The following STXBP5L variants were observed in gnomAD, a reference collection of about 807,000 sequenced individuals.
STXBP5L encodes syntaxin binding protein 5L.
STXBP5L carries 65 observed loss-of-function variants against 144.5 expected under a neutral mutation model. The observed-to-expected ratio is 0.45, with a 90% confidence interval of 0.37 to 0.55. STXBP5L has a LOEUF of 0.55. STXBP5L is among the 20% of genes least tolerant of loss of function. STXBP5L has a pLI of 0.00. For missense variants in STXBP5L, 1,298 were observed against 1,405.5 expected, an observed-to-expected ratio of 0.92 and a Z score of 1.22; for synonymous variants, 505 against 469.6, an observed-to-expected ratio of 1.08 and a Z score of -0.97.
intron 4 of STXBP5L, among the ~76,000 whole-genome samples, chr3:121,044,685 C>T (rs921122654): frequency 1.3e-5 from 2 of 151,978 alleles, no homozygotes; most frequent in Admixed American, 6.6e-5. Context: ...TGATTTAACC[C>T]AGTCAAATAA....
chr3:120,946,478 C>T (rs1047413262), intron 2 of STXBP5L, among the ~76,000 whole-genome samples: 8 of 151,634 alleles, frequency 5.3e-5, no homozygotes, highest in African/African-American at 1.5e-4. Flanking sequence ...CCTTTGTTCA[C>T]GATCTGGTCT....
At chr3:121,121,954 G>T (rs894490497) in intron 7 of STXBP5L, among the ~76,000 whole-genome samples, 1 of 150,748 alleles carries the variant, frequency 6.6e-6, no homozygotes, top group African/African-American at 2.4e-5. Flanking sequence ...TTTTGAGAAC[G>T]ATAACATGTA....
chr3:121,202,455 T>C (rs1226749335), intron 9 of STXBP5L, among the ~76,000 whole-genome samples: 3 of 152,176 alleles, frequency 2.0e-5, no homozygotes, highest in African/African-American at 4.8e-5. Flanking sequence ...ACATATGCAA[T>C]TATGTCATTG....
chr3:121,190,426 A>G (rs985097181), intron 9 of STXBP5L, among the ~76,000 whole-genome samples: 7 of 152,220 alleles, frequency 4.6e-5, no homozygotes, highest in African/African-American at 1.7e-4. Flanking sequence ...TTAGTACAGA[A>G]CAAAATGGAG....
chr3:121,205,148 A>G (rs1027012185), intron 9 of STXBP5L, among the ~76,000 whole-genome samples: 2 of 152,314 alleles, frequency 1.3e-5, no homozygotes, highest in Non-Finnish European at 2.9e-5. Context: ...ATGGATTGTC[A>G]TTGTTGTCCT....
chr3:121,315,302 G>A (rs1052369555), intron 19 of STXBP5L, among the ~76,000 whole-genome samples: 4 of 152,112 alleles, frequency 2.6e-5, no homozygotes, highest in Non-Finnish European at 5.9e-5. Flanking sequence ...ATACTATGCA[G>A]CCATAAAAAT....
At chr3:121,097,092 G>C (rs2043168025) in intron 5 of STXBP5L, among the ~76,000 whole-genome samples, 1 of 152,174 alleles carries the variant, frequency 6.6e-6, no homozygotes, top group Non-Finnish European at 1.5e-5. Context: ...GCTCAGCTCT[G>C]CCCAGTTCAA....
At chr3:121,203,846 G>A (rs1317188353) in intron 9 of STXBP5L, among the ~76,000 whole-genome samples, 2 of 152,266 alleles carry the variant, frequency 1.3e-5, no homozygotes, top group African/African-American at 4.8e-5. Context: ...ACTAAGGGGA[G>A]TGGATCTCTC....
At chr3:121,056,944 A>G (rs1948502396) in intron 5 of STXBP5L, among the ~76,000 whole-genome samples, 1 of 150,782 alleles carries the variant, frequency 6.6e-6, no homozygotes, top group Non-Finnish European at 1.5e-5. Context: ...GGTCTTTATA[A>G]TATATTATAA....
chr3:121,042,903 A>G (rs535790237), intron 4 of STXBP5L, among the ~76,000 whole-genome samples: 5 of 151,868 alleles, frequency 3.3e-5, no homozygotes, highest in African/African-American at 1.2e-4. Flanking sequence ...GCTCATTATT[A>G]TCTAGAATGT....
At chr3:121,399,272 A>C (rs2046811762) in intron 22 of STXBP5L, among the ~76,000 whole-genome samples, 2 of 152,274 alleles carry the variant, frequency 1.3e-5, no homozygotes, top group South Asian at 4.1e-4. Flanking sequence ...GATTGCTTTA[A>C]GAGTACTCGG....
chr3:121,020,698 GACAA>G (rs1236356175), intron 3 of STXBP5L, among the ~76,000 whole-genome samples: 2 of 151,992 alleles, frequency 1.3e-5, no homozygotes, highest in Non-Finnish European at 2.9e-5. Context: ...GTCTTTTTCA[GACAA>G]ACAAATTCTG....
chr3:120,972,113 T>G (rs977069660), intron 3 of STXBP5L, among the ~76,000 whole-genome samples: 1 of 152,046 alleles, frequency 6.6e-6, no homozygotes. Flanking sequence ...GGAATGATGT[T>G]GGCATTGGTA....
chr3:121,314,985 A>G (rs2043730287), intron 19 of STXBP5L, among the ~76,000 whole-genome samples: 1 of 152,178 alleles, frequency 6.6e-6, no homozygotes, highest in Non-Finnish European at 1.5e-5. Flanking sequence ...TCAGGAAACA[A>G]CAGGTGCTGG....
At chr3:121,306,445 T>C (rs536137641) in intron 19 of STXBP5L, among the ~76,000 whole-genome samples, 30 of 152,266 alleles carry the variant, frequency 2.0e-4, no homozygotes, top group Non-Finnish European at 3.4e-4. Context: ...ATCTTGCTCA[T>C]AGGGCAGAAG....
In STXBP5L at chr3:121,362,623, C is replaced by A. The variant is rs1576288622; in HGVS notation, c.2177-16093C>A. ...GCTGCCTGGCCTGGGACTCAGCCTT[C>A]ACGGCAGTGAGTTACCCTCTGGCCC... On this transcript the variant is annotated intron_variant, in intron 20 of 26. Transcript: ENST00000471454. Among the ~76,000 whole-genome samples, 3 of 152,282 alleles carry A rather than the reference C, an allele frequency of 2.0e-5. No homozygotes were observed. In the East Asian group the frequency reaches 5.8e-4, roughly 29 times the overall value.
In STXBP5L at chr3:121,045,482, C is replaced by T. The variant is rs750164594; in HGVS notation, c.417C>T (p.Asn139=). 1.9e-6 allele frequency: 3 copies of T among 1,613,026 alleles called. No homozygotes were observed. Among genetic ancestry groups the T allele is most frequent in the Non-Finnish European group, 1.7e-6 (2 of 1,179,466 alleles). Residue 139 remains asparagine (N), a synonymous_variant, in exon 5 of 27, where the codon AAC becomes AAT. Coordinates refer to ENST00000471454, the MANE Select transcript of STXBP5L (RefSeq NM_001308330.2). ...CAGATGATACACTTCATTTGTGGAA[C>T]CTTAGACAAAAAAGGCCAGCCATAC... The part of the protein sequence containing the change: ...ASSDDTLHLW[N]LRQKRPAILH...
intron 3 of STXBP5L, among the ~76,000 whole-genome samples, chr3:120,978,155 C>T (rs1941305841): frequency 1.3e-5 from 2 of 152,182 alleles, no homozygotes; most frequent in Non-Finnish European, 1.5e-5. Context: ...AACTTGGTTC[C>T]ATTCTCCCTG....
chr3:120,944,074 A>C (rs1260582825), intron 2 of STXBP5L, among the ~76,000 whole-genome samples: 1 of 151,652 alleles, frequency 6.6e-6, no homozygotes, highest in South Asian at 2.1e-4. Flanking sequence ...GGCAAAGTAA[A>C]AGAGTAGTAG....
Sources: allele counts gnomAD v4.1 joint callset (sites outside exome capture counted in the v4.1 genomes callset), GRCh38; gene constraint gnomAD v4.1.1; transcripts MANE v1.5; gene names NCBI Gene and HGNC (gene_info 2026-07-23, HGNC 2026-07-21).